EPB41L2: variants seen among roughly 807,000 people sequenced by gnomAD.
The protein encoded by EPB41L2 is band 4.1-like protein 2.
EPB41L2 carries 43 observed loss-of-function variants against 113.0 expected under a neutral mutation model. The observed-to-expected ratio is 0.38, with a 90% CI of 0.30 to 0.49. The LOEUF is 0.49. EPB41L2 is among the 20% of genes least tolerant of loss of function. The pLI is 0.95. For missense variants in EPB41L2, 1,147 were observed against 1,223.4 expected (o/e 0.94, Z 0.93); for synonymous variants, 442 against 436.7 (o/e 1.01, Z -0.15).
intron 3 of EPB41L2, among the ~76,000 whole-genome samples, chr6:130,940,030 G>T (rs1418532236): frequency 1.3e-5 from 2 of 152,186 alleles, no homozygotes; most frequent in Non-Finnish European, 2.9e-5. Context: ...CAAGGAACCT[G>T]GGAAAAGCAA....
intron 10 of EPB41L2, among the ~76,000 whole-genome samples, chr6:130,893,543 G>A (rs975452808): frequency 6.6e-6 from 1 of 152,182 alleles, no homozygotes; most frequent in African/African-American, 2.4e-5. Context: ...AAGACAAATT[G>A]CTTGCCTAGC....
intron 1 of EPB41L2, chr6:131,062,288 G>A (rs1298664421): frequency 5.3e-5 from 8 of 151,970 alleles, no homozygotes; most frequent in Admixed American, 3.9e-4. Flanking sequence ...GCTGCTGGGG[G>A]CAGCGTCTGC....
chr6:130,848,680 T>A (rs1777855949), intron 19 of EPB41L2, among the ~76,000 whole-genome samples: 1 of 152,132 alleles, frequency 6.6e-6, no homozygotes, highest in South Asian at 2.1e-4. Context: ...CAAGAAAGCA[T>A]CAATATGTCC....
At chr6:130,861,572 C>T (rs927498260) in intron 18 of EPB41L2, among the ~76,000 whole-genome samples, 1 of 152,096 alleles carries the variant, frequency 6.6e-6, no homozygotes, top group Non-Finnish European at 1.5e-5. Context: ...GCCACAATCA[C>T]ATTTACTCAA....
rs942613502 is a variant in EPB41L2 at position 130,865,564 on chromosome 6, G to A, written c.2801C>T (p.Ser934Leu). ...TAQTITSESVSTTTTTHITKT... is the reference protein window; with the variant it reads ...TAQTITSESVLTTTTTHITKT... Reference sequence around the variant, plus strand: ...GGTGATGTGTGTGGTTGTCGTTGTTGACACGGACTCAGATGTGATGGTTTG... The same window carrying A: ...GGTGATGTGTGTGGTTGTCGTTGTTAACACGGACTCAGATGTGATGGTTTG... The change falls in exon 17 of 20, where the codon TCA (serine) becomes TTA (leucine). Residue 934 changes from serine to leucine, a missense_variant. Ser to Leu is a moderately radical substitution (Grantham distance 145, BLOSUM62 -2). Transcript: ENST00000337057. 1 of 1,613,984 alleles carries A rather than the reference G, an allele frequency of 6.2e-7. No individual in the cohort carries two copies. Among genetic ancestry groups the A allele is most frequent in the African/African-American group, 1.3e-5 (1 of 74,896 alleles).
intron 1 of EPB41L2, among the ~76,000 whole-genome samples, chr6:130,987,615 C>T (rs752819386): frequency 2.4e-4 from 36 of 152,128 alleles, no homozygotes; most frequent in Non-Finnish European, 4.9e-4. Flanking sequence ...ATCACTTGAA[C>T]CCGGGAGGCA....
intron 11 of EPB41L2, among the ~76,000 whole-genome samples, chr6:130,886,552 A>G (rs761472773): frequency 6.6e-5 from 10 of 152,196 alleles, no homozygotes; most frequent in Non-Finnish European, 1.2e-4. Flanking sequence ...TTGAATGCCC[A>G]TATCAAATCA....
chr6:130,865,488 T>C, intron 17 of EPB41L2, 48 bp downstream of exon 17: 1 of 1,545,532 alleles, frequency 6.5e-7, no homozygotes, highest in Non-Finnish European at 8.9e-7. Context: ...GAAAAGATTC[T>C]GTCTGTAATG....
At chr6:130,992,475 A>C (rs1276172110) in intron 1 of EPB41L2, among the ~76,000 whole-genome samples, 2 of 152,094 alleles carry the variant, frequency 1.3e-5, no homozygotes, top group East Asian at 3.9e-4. Context: ...AATTGCACCT[A>C]ATTCATTAAG....
At position 130,904,514 on chromosome 6, in the gene EPB41L2, C is replaced by T. The variant is rs1797170519; in HGVS notation, c.880G>A (p.Val294Met). The change falls in exon 6 of 20, where the codon GTG (valine) becomes ATG (methionine). Residue 294 changes from valine to methionine, a missense_variant. Transcript: ENST00000337057. ...RNLPWLFTFN[V>M]KFYPPDPSQL... ...GAAGGATCAGGAGGATAAAACTTCA[C>T]ATTAAAAGTGAATAGCCATGGAAGG... is the stretch of plus-strand genomic sequence containing the variant. 6.2e-7 allele frequency: 1 copy of T among 1,605,888 alleles called. No individual in the cohort carries two copies. The highest frequency in any genetic ancestry group is 1.3e-5 in the African/African-American group (1 of 74,882).
intron 12 of EPB41L2, among the ~76,000 whole-genome samples, 198 bp downstream of exon 12, chr6:130,884,898 A>T (rs1293943691): frequency 6.6e-6 from 1 of 152,262 alleles, no homozygotes; most frequent in Non-Finnish European, 1.5e-5. Context: ...TTGCATTAAA[A>T]TAACTTACAT....
At chr6:130,884,138 G>A (rs778883412) in intron 12 of EPB41L2, among the ~76,000 whole-genome samples, 11 of 151,866 alleles carry the variant, frequency 7.2e-5, no homozygotes, top group Admixed American at 2.0e-4. Context: ...AGTTCAAGAT[G>A]AGCCTGACCA....
At chr6:130,900,892 T>C in intron 7 of EPB41L2, 70 bp downstream of exon 7, 1 of 1,532,508 alleles carries the variant, frequency 6.5e-7, no homozygotes, top group Non-Finnish European at 9.0e-7. Context: ...CTCAAATGTC[T>C]AGTAAGTGCT....
chr6:130,874,162 T>C (rs1291813432), intron 14 of EPB41L2, among the ~76,000 whole-genome samples: 1 of 152,162 alleles, frequency 6.6e-6, no homozygotes, highest in Non-Finnish European at 1.5e-5. Flanking sequence ...AGGATTACAA[T>C]AGAGTTATTT....
chr6:131,035,826 T>A (rs1467784168), intron 1 of EPB41L2, among the ~76,000 whole-genome samples: 2 of 152,152 alleles, frequency 1.3e-5, no homozygotes, highest in Non-Finnish European at 2.9e-5. Flanking sequence ...AGTTCAGAAG[T>A]GAGAGGTTAG....
intron 19 of EPB41L2, among the ~76,000 whole-genome samples, chr6:130,855,606 GAA>G (rs1779988506): frequency 6.6e-6 from 1 of 152,122 alleles, no homozygotes; most frequent in African/African-American, 2.4e-5. Flanking sequence ...GCAAAAGCTA[GAA>G]AAGATTTGTA....
chr6:130,874,298 T>A (rs568376158), intron 14 of EPB41L2, among the ~76,000 whole-genome samples: 12 of 152,246 alleles, frequency 7.9e-5, no homozygotes, highest in Middle Eastern at 3.4e-3. Context: ...CCTGCTTTTT[T>A]AAAAAGCTAT....
chr6:130,856,889 T>A (rs1018529494), intron 19 of EPB41L2, among the ~76,000 whole-genome samples: 26 of 143,452 alleles, frequency 1.8e-4, no homozygotes, highest in African/African-American at 5.2e-4. Context: ...ATTATTTCAA[T>A]TTTTTTTTTG....
Position 130,864,992 on chromosome 6 carries a change from C to T in EPB41L2, c.2829+544G>A, listed in dbSNP as rs562331388. Among the ~76,000 whole-genome samples the T allele has an allele frequency of 2.6e-5, 4 of 152,310 alleles. No individual in the cohort carries two copies. In the South Asian group the frequency reaches 6.2e-4, roughly 24 times the overall value. ...TTTCAGGAGGACTGGAGTGGGGCCA[C>T]GCTATTTATACTTCTAACAATGCCC... On this transcript the variant is annotated intron_variant, in intron 17 of 19. Coordinates refer to ENST00000337057, the MANE Select transcript of EPB41L2 (RefSeq NM_001431.4).
Sources: gnomAD v4.1 joint callset for allele counts (sites outside exome capture counted in the v4.1 genomes callset) on GRCh38, gnomAD v4.1.1 for gene constraint, MANE v1.5 for transcripts, NCBI Gene and HGNC (gene_info 2026-07-23, HGNC 2026-07-21) for gene names.